PRPF38B: variants seen among roughly 807,000 people sequenced by gnomAD.
PRPF38B encodes pre-mRNA processing factor 38B.
A neutral mutation model predicts 67.2 loss-of-function variants in PRPF38B; 18 were observed. The ratio of observed to expected loss-of-function variants is 0.27; its 90% confidence interval spans 0.19 to 0.40. PRPF38B has a LOEUF of 0.40. PRPF38B is among the 10% of genes least tolerant of loss of function. The pLI, the probability that PRPF38B is intolerant of heterozygous loss-of-function variation, is 1.00. For missense variants in PRPF38B, 544 were observed against 684.9 expected (o/e 0.79, Z 2.30); for synonymous variants, 246 against 234.2 (o/e 1.05, Z -0.46).
chr1:108,696,546 A>T (rs1163197068), intron 4 of PRPF38B: 4 of 610,690 alleles, frequency 6.5e-6, no homozygotes, highest in Admixed American at 3.3e-5. Context: ...TTCTTGTTTT[A>T]AAATTGTTTA....
rs1389847049 is a variant in PRPF38B at position 108,699,680 on chromosome 1, AAC to A, written c.1305_1306del (p.His435GlnfsTer3). The A allele has an allele frequency of 3.1e-6, 5 of 1,595,266 alleles. No homozygotes were observed. Among genetic ancestry groups the A allele is most frequent in the South Asian group, 1.1e-5 (1 of 88,916 alleles). ...AGTAGAAGCAGAAGCAGAGAAAGGAAACACAGAAGTAGGAGTCGAAGTAGAAA... is the reference window on the plus strand; with the variant it reads ...AGTAGAAGCAGAAGCAGAGAAAGGAAACAGAAGTAGGAGTCGAAGTAGAAA... On this transcript the variant is annotated frameshift_variant, in exon 6 of 6. Transcript: ENST00000370025. LOFTEE classifies it high-confidence loss of function.
At chr1:108,693,448 C>T (rs1051677895) in intron 1 of PRPF38B, 1 of 219,804 alleles carries the variant, frequency 4.5e-6, no homozygotes, top group Non-Finnish European at 7.7e-6. Flanking sequence ...TAAGAGGTCT[C>T]AGCCACCTGT....
In PRPF38B at chr1:108,702,417, C is replaced by A. The variant is rs1224285897; in HGVS notation, c.*2397C>A. The stretch of plus-strand genomic sequence containing the variant: ...GTGATTACAGGTGTGAGCCACCACT[C>A]CAGTCCCTTCTTACGATTTTTAAAT... On this transcript the variant is annotated 3_prime_UTR_variant, in exon 6 of 6. Coordinates refer to ENST00000370025, the MANE Select transcript of PRPF38B (RefSeq NM_018061.4). Among the ~76,000 whole-genome samples, 1 of 152,180 alleles carries A rather than the reference C, an allele frequency of 6.6e-6. No individual in the cohort carries two copies. The highest frequency in any genetic ancestry group is 1.9e-4 in the East Asian group (1 of 5,204).
At chr1:108,695,972 A>G in intron 2 of PRPF38B, 71 bp from the exon 3 acceptor site, 3 of 1,483,122 alleles carry the variant, frequency 2.0e-6, no homozygotes, top group Non-Finnish European at 2.8e-6. Context: ...GATACCTAAC[A>G]GGATTAATCA....
At position 108,702,789 on chromosome 1, in the gene PRPF38B, A is replaced by G. The variant is rs1660641811; in HGVS notation, c.*2769A>G. ...TATCTGAACTTAAAGTATAATTTAA[A>G]AAAATTTTTAATACAGCTTAATAAG... is the stretch of plus-strand genomic sequence containing the variant. On this transcript the variant is annotated 3_prime_UTR_variant, in exon 6 of 6. Transcript: ENST00000370025. Among the ~76,000 whole-genome samples, 1 of 152,136 alleles carries G rather than the reference A, an allele frequency of 6.6e-6. No homozygotes were observed. The highest frequency in any genetic ancestry group is 2.4e-5 in the African/African-American group (1 of 41,384).
chr1:108,695,519 C>G (rs892631119), intron 1 of PRPF38B, among the ~76,000 whole-genome samples, 183 bp from the exon 2 acceptor site: 9 of 152,176 alleles, frequency 5.9e-5, no homozygotes, highest in African/African-American at 9.7e-5. Context: ...TTTATGGGTG[C>G]TGTCTAAATG....
intron 4 of PRPF38B, chr1:108,696,747 C>A (rs199648109): frequency 1.4e-6 from 1 of 716,836 alleles, no homozygotes; most frequent in Non-Finnish European, 2.6e-6. Flanking sequence ...CAGTTCTTCA[C>A]CCTCTAGCTT....
chr1:108,698,800 A>G lies in PRPF38B; in HGVS notation c.755A>G (p.Asp252Gly), dbSNP rs770926062. ...GGGAAGGAAGGTGCTGAGGAAATAG[A>G]CAGACATGTTGAACGCAGACGTTCA... ...KDGKEGAEEI[D>G]RHVERRRSRS... The change falls in exon 5 of 6, where the codon GAC becomes GGC. Residue 252 changes from aspartate to glycine, a missense_variant. This residue lies in a region of PRPF38B where 387 missense variants were observed against 386.1 expected (regional missense o/e 1.00). Coordinates refer to ENST00000370025, the MANE Select transcript of PRPF38B (RefSeq NM_018061.4). The G allele has an allele frequency of 1.9e-6, 3 of 1,613,800 alleles. No individual in the cohort carries two copies. Among genetic ancestry groups the G allele is most frequent in the South Asian group, 2.2e-5 (2 of 91,072 alleles).
rs754507973 is a variant in PRPF38B, at chr1:108,699,928, G to T, written c.1549G>T (p.Asp517Tyr). The part of the protein sequence containing the change: ...SHKRDHSDSK[D>Y]QSDKHDRRRS... Reference sequence around the variant, plus strand: ...CAAACGAGATCACAGTGATAGTAAGGACCAGTCAGACAAACATGATCGTCG... The same window carrying T: ...CAAACGAGATCACAGTGATAGTAAGTACCAGTCAGACAAACATGATCGTCG... Residue 517 changes from aspartate (D) to tyrosine (Y), a missense_variant, in exon 6 of 6, where the codon GAC becomes TAC. By Grantham distance (160) the Asp-to-Tyr change is radical (BLOSUM62 -3). Coordinates refer to ENST00000370025, the MANE Select transcript of PRPF38B (RefSeq NM_018061.4). The T allele has an allele frequency of 6.2e-7, 1 of 1,614,048 alleles. No homozygotes were observed. The highest frequency in any genetic ancestry group is 8.5e-7 in the Non-Finnish European group (1 of 1,179,998).
chr1:108,692,794 C>T lies in PRPF38B; in HGVS notation c.203C>T (p.Ser68Leu). ...CCCATGATCCTGACCAACATCCTGT[C>T]GTCGCCTTACTTCAAAGTACAGCTC... ...LNPMILTNIL[S>L]SPYFKVQLYE... is the part of the protein sequence containing the mutation. Residue 68 changes from serine (S) to leucine (L), a missense_variant, in exon 1 of 6, where the codon TCG (serine) becomes TTG (leucine). This residue lies in a region of PRPF38B where 26 missense variants were observed against 67.7 expected (regional missense o/e 0.38). Transcript: ENST00000370025. 6.2e-7 allele frequency: 1 copy of T among 1,614,196 alleles called. No individual in the cohort carries two copies. Among genetic ancestry groups the T allele is most frequent in the Non-Finnish European group, 8.5e-7 (1 of 1,180,046 alleles).
At chr1:108,692,958 T>C in intron 1 of PRPF38B, 91 bp downstream of exon 1, 1 of 1,483,720 alleles carries the variant, frequency 6.7e-7, no homozygotes, top group Non-Finnish European at 9.0e-7. Flanking sequence ...AATCTGAAGA[T>C]TTGTGGGTGG....
In PRPF38B at chr1:108,699,143, C is replaced by A; in HGVS notation, c.783-19C>A. On this transcript the variant is annotated intron_variant, in intron 5 of 5. Coordinates refer to ENST00000370025, the MANE Select transcript of PRPF38B (RefSeq NM_018061.4). The stretch of plus-strand genomic sequence containing the variant: ...TGTTTTATTCATTGAAATTTTCTTT[C>A]TCCCTCCGCCTTCCTTAGGTCTCCA... 6.4e-7 allele frequency: 1 copy of A among 1,564,940 alleles called. No individual in the cohort carries two copies. The highest frequency in any genetic ancestry group is 1.2e-5 in the South Asian group (1 of 83,788).
rs1660617005 is a variant in PRPF38B at position 108,702,550 on chromosome 1, G to A, written c.*2530G>A. ...TTGGAGAGTGGCTTCCTAAGAAACT[G>A]GGAAAACAAGTGGCTATGAAAGACA... On this transcript the variant is annotated 3_prime_UTR_variant, in exon 6 of 6. Transcript: ENST00000370025. Among the ~76,000 whole-genome samples, 1 of 152,102 alleles carries A rather than the reference G, an allele frequency of 6.6e-6. No homozygotes were observed. The highest frequency in any genetic ancestry group is 1.5e-5 in the Non-Finnish European group (1 of 68,018).
In PRPF38B at chr1:108,698,783, A is replaced by G; in HGVS notation, c.738A>G (p.Glu246=). 2 of 1,613,994 alleles carry G rather than the reference A, an allele frequency of 1.2e-6. No homozygotes were observed. The highest frequency in any genetic ancestry group is 2.2e-5 in the South Asian group (2 of 91,078). The change falls in exon 5 of 6, where the codon GAA becomes GAG. Residue 246 remains glutamate (E), a synonymous_variant. Transcript: ENST00000370025. ...GAAAAATCAAGAAAGATGGGAAGGA[A>G]GGTGCTGAGGAAATAGACAGACATG... The part of the protein sequence containing the change: ...RPRKIKKDGK[E]GAEEIDRHVE...
In PRPF38B at chr1:108,699,203, G is replaced by C; in HGVS notation, c.824G>C (p.Arg275Thr). 6.2e-7 allele frequency: 1 copy of C among 1,613,828 alleles called. No individual in the cohort carries two copies. Among genetic ancestry groups the C allele is most frequent in the Non-Finnish European group, 8.5e-7 (1 of 1,179,920 alleles). ...RSLSPRRSPR[R>T]SRSRSHHREG... Reference sequence around the variant, plus strand: ...CTGAGTCCACGGAGGTCCCCAAGAAGGTCAAGAAGTAGAAGTCATCATCGG... The same window carrying C: ...CTGAGTCCACGGAGGTCCCCAAGAACGTCAAGAAGTAGAAGTCATCATCGG... The change falls in exon 6 of 6, where the codon AGG (arginine) becomes ACG (threonine). Residue 275 changes from arginine (R) to threonine (T), a missense_variant. Around this residue, in one of 5 missense-constraint regions of PRPF38B, gnomAD observed 387 missense variants for 386.1 expected, o/e 1.00. Coordinates refer to ENST00000370025, the MANE Select transcript of PRPF38B (RefSeq NM_018061.4).
chr1:108,699,042 T>C (rs1660164787), intron 5 of PRPF38B, 120 bp from the exon 6 acceptor site: 1 of 1,504,848 alleles, frequency 6.6e-7, no homozygotes, highest in African/African-American at 1.4e-5. Flanking sequence ...GCTTTAATGA[T>C]TCTTGACATG....
Position 108,699,322 on chromosome 1 carries a change from C to T in PRPF38B, c.943C>T (p.Arg315Trp), listed in dbSNP as rs142474016. The T allele has an allele frequency of 1.7e-4, 279 of 1,613,914 alleles. No individual in the cohort carries two copies. The highest frequency in any genetic ancestry group is 2.1e-4 in the Non-Finnish European group (252 of 1,180,028). The change falls in exon 6 of 6, where the codon CGG becomes TGG. Residue 315 changes from arginine to tryptophan, a missense_variant. Coordinates refer to ENST00000370025, the MANE Select transcript of PRPF38B (RefSeq NM_018061.4). ...TGAAGCCAAAGAAAGGGAGAAAGAA[C>T]GGCGAAGATCCCGAAGTATTGACCG... ...EREAKEREKERRRSRSIDRGL... is the reference protein window; with the variant it reads ...EREAKEREKEWRRSRSIDRGL...
At chr1:108,695,446 A>G (rs973839425) in intron 1 of PRPF38B, among the ~76,000 whole-genome samples, 2 of 152,202 alleles carry the variant, frequency 1.3e-5, no homozygotes, top group African/African-American at 4.8e-5. Flanking sequence ...AGCTCTTTAT[A>G]AAGCTAGTTG....
At chr1:108,693,171 A>G (rs1659502685) in intron 1 of PRPF38B, among the ~76,000 whole-genome samples, 1 of 152,158 alleles carries the variant, frequency 6.6e-6, no homozygotes, top group Non-Finnish European at 1.5e-5. Context: ...AGAGTAACAG[A>G]AGCCTTTCCA....
Sources: gnomAD v4.1 joint callset for allele counts (sites outside exome capture counted in the v4.1 genomes callset) on GRCh38, gnomAD v4.1.1 for gene constraint, gnomAD v4.1.1 regional missense constraint, MANE v1.5 for transcripts, NCBI Gene and HGNC (gene_info 2026-07-23, HGNC 2026-07-21) for gene names.